Variants in CNEP1R1 observed in about 807,000 individuals in gnomAD.
CNEP1R1 encodes nuclear envelope phosphatase-regulatory subunit 1.
In CNEP1R1, 10 loss-of-function variants were observed where a neutral mutation model predicts 22.7. The observed-to-expected ratio is 0.44, with a 90% CI of 0.27 to 0.75. CNEP1R1 has a LOEUF of 0.75. Among genes scored for constraint, CNEP1R1 ranks in the 30% least tolerant of loss-of-function variants. The pLI, the probability that CNEP1R1 is intolerant of heterozygous loss-of-function variation, is 0.17. For missense variants in CNEP1R1, 73 were observed against 151.5 expected (o/e 0.48, Z 2.72); for synonymous variants, 53 against 50.1 (o/e 1.06, Z -0.25).
At chr16:50,026,772 C>A (rs938717257) in intron 2 of CNEP1R1, 2 of 284,128 alleles carry the variant, frequency 7.0e-6, no homozygotes, top group Admixed American at 4.5e-5. Context: ...GTCAGAAGTT[C>A]AAGACTAGCG....
chr16:50,027,839 C>G (rs914026895), intron 2 of CNEP1R1, among the ~76,000 whole-genome samples: 1 of 151,986 alleles, frequency 6.6e-6, no homozygotes, highest in Non-Finnish European at 1.5e-5. Context: ...ATGAGTGCTA[C>G]AAAATATAAT....
At chr16:50,031,449 T>C (rs1012597456) in intron 3 of CNEP1R1, among the ~76,000 whole-genome samples, 1 of 152,168 alleles carries the variant, frequency 6.6e-6, no homozygotes, top group Non-Finnish European at 1.5e-5. Context: ...TTGGTAGTCA[T>C]CTTTAGGGGA....
chr16:50,035,553 T>C lies in CNEP1R1; in HGVS notation c.*95T>C. 1.0e-5 allele frequency: 9 copies of C among 880,090 alleles called. No homozygotes were observed. Among genetic ancestry groups the C allele is most frequent in the Middle Eastern group, 2.5e-4 (1 of 4,030 alleles). 54.5% of individuals were successfully genotyped at this position (880,090 alleles called of 1,614,324 possible). A position where few individuals can be genotyped will look rare whatever the true frequency, so the allele number is the denominator to read the frequency against. Reference sequence around the variant, plus strand: ...AAAGGATTCCTTTTGCGGTTGGATATGTAAAGGTCATAGCAGCAACTGACA... The same window carrying C: ...AAAGGATTCCTTTTGCGGTTGGATACGTAAAGGTCATAGCAGCAACTGACA... On this transcript the variant is annotated 3_prime_UTR_variant, in exon 6 of 6. Coordinates refer to ENST00000427478, the MANE Select transcript of CNEP1R1 (RefSeq NM_001281789.2).
chr16:50,030,866 T>A (rs1316279802), intron 3 of CNEP1R1, among the ~76,000 whole-genome samples: 1 of 152,216 alleles, frequency 6.6e-6, no homozygotes, highest in Non-Finnish European at 1.5e-5. Flanking sequence ...CACTGAGGGA[T>A]CTCCCACTGG....
Position 50,034,082 on chromosome 16 carries a change from CT to C in CNEP1R1, c.282-17del. ...CATACTCTTGAAATGAGAAATTTTC[CT>C]TTGACCACATGTATTCAGTATAGCT... On this transcript the variant is annotated intron_variant, in intron 4 of 5. Transcript: ENST00000427478. 6.3e-7 allele frequency: 1 copy of C among 1,578,498 alleles called. No individual in the cohort carries two copies. The highest frequency in any genetic ancestry group is 8.6e-7 in the Non-Finnish European group (1 of 1,159,166).
intron 5 of CNEP1R1, 138 bp from the exon 6 acceptor site, chr16:50,035,279 C>CATAGGGGAAAAAAAA: frequency 1.8e-6 from 1 of 549,674 alleles, no homozygotes; most frequent in Non-Finnish European, 3.2e-6. Context: ...GCTCTGAAAG[C>CATAGGGGAAAAAAAA]ATAACTATTA....
At chr16:50,035,014 A>G (rs975662201) in intron 5 of CNEP1R1, among the ~76,000 whole-genome samples, 4 of 152,150 alleles carry the variant, frequency 2.6e-5, no homozygotes, top group African/African-American at 9.7e-5. Context: ...TTAGCCTTCA[A>G]TTTAAAAAGT....
intron 1 of CNEP1R1, chr16:50,025,888 T>G: frequency 1.7e-6 from 1 of 597,764 alleles, no homozygotes; most frequent in Non-Finnish European, 3.0e-6. Context: ...CCACTCGCTA[T>G]CAGTGTCAAG....
At chr16:50,030,189 C>T (rs1175706410) in intron 3 of CNEP1R1, among the ~76,000 whole-genome samples, 1 of 152,112 alleles carries the variant, frequency 6.6e-6, no homozygotes, top group African/African-American at 2.4e-5. Flanking sequence ...GGCATGGTGG[C>T]TCATACCTGG....
chr16:50,033,863 CAA>C (rs748163459), intron 4 of CNEP1R1, among the ~76,000 whole-genome samples: 8 of 101,238 alleles, frequency 7.9e-5, no homozygotes, highest in Admixed American at 1.0e-4. Context: ...GACTGCGTCT[CAA>C]AAAAAAAAAA....
chr16:50,027,345 T>C (rs892714441), intron 2 of CNEP1R1, among the ~76,000 whole-genome samples: 2 of 151,606 alleles, frequency 1.3e-5, no homozygotes, highest in African/African-American at 2.4e-5. Flanking sequence ...CCGTCTCTAC[T>C]AAAAATAAAA....
In CNEP1R1 at chr16:50,035,605, A is replaced by G. The variant is rs2036269300; in HGVS notation, c.*147A>G. ...GAAGTGTGCAATATTTACCTGGATTATCTTGATGATGGTGACTCATTATCA... is the reference window on the plus strand; with the variant it reads ...GAAGTGTGCAATATTTACCTGGATTGTCTTGATGATGGTGACTCATTATCA... On this transcript the variant is annotated 3_prime_UTR_variant, in exon 6 of 6. Coordinates refer to ENST00000427478, the MANE Select transcript of CNEP1R1 (RefSeq NM_001281789.2). 1 of 601,898 alleles carries G rather than the reference A, an allele frequency of 1.7e-6. No homozygotes were observed. The highest frequency in any genetic ancestry group is 2.9e-6 in the Non-Finnish European group (1 of 341,602). The allele number at this position is 601,898 out of a possible 1,614,324, so 37.3% of individuals were successfully genotyped here.
rs776453456 is a variant in CNEP1R1 at position 50,035,397 on chromosome 16, CTG to C, written c.337-18_337-17del. 3.4e-6 allele frequency: 5 copies of C among 1,464,464 alleles called. No homozygotes were observed. The highest frequency in any genetic ancestry group is 1.7e-4 in the Middle Eastern group (1 of 5,850). The allele number at this position is 1,464,464 out of a possible 1,614,324, so 90.7% of individuals were successfully genotyped here. A position where few individuals can be genotyped will look rare whatever the true frequency, so the allele number is the denominator to read the frequency against. ...ACTAGAACTGTGTATTGAAAAAATT[CTG>C]TCTTTTCATTTTTGCAGACAGGAAA... is the stretch of plus-strand genomic sequence containing the variant. On this transcript the variant is annotated intron_variant, in intron 5 of 5. Coordinates refer to ENST00000427478, the MANE Select transcript of CNEP1R1 (RefSeq NM_001281789.2).
At chr16:50,025,694 C>T in intron 1 of CNEP1R1, 3 of 1,613,792 alleles carry the variant, frequency 1.9e-6, no homozygotes, top group Non-Finnish European at 2.5e-6. Flanking sequence ...TTTCCGGTAA[C>T]TGCCAAGGTT....
intron 4 of CNEP1R1, among the ~76,000 whole-genome samples, 174 bp downstream of exon 4, chr16:50,033,680 A>G (rs769667652): frequency 4.6e-5 from 7 of 151,676 alleles, no homozygotes; most frequent in Non-Finnish European, 1.0e-4. Flanking sequence ...CCTGGGCAAC[A>G]TGGTGAAACC....
chr16:50,034,545 AAT>A (rs3055388), intron 5 of CNEP1R1: 198,121 of 198,170 alleles, frequency 1, 99,036 homozygotes, highest in Middle Eastern at 1. Context: ...GTTATTTGTA[AAT>A]ATAGAGTCAT....
At chr16:50,030,329 G>A (rs2036220822) in intron 3 of CNEP1R1, among the ~76,000 whole-genome samples, 1 of 152,104 alleles carries the variant, frequency 6.6e-6, no homozygotes, top group African/African-American at 2.4e-5. Flanking sequence ...AGCTACTTGG[G>A]AGGCTGAGGT....
chr16:50,025,887 A>G (rs1230069320), intron 1 of CNEP1R1: 16 of 597,448 alleles, frequency 2.7e-5, no homozygotes, highest in Admixed American at 9.0e-5. Flanking sequence ...CCCACTCGCT[A>G]TCAGTGTCAA....
At chr16:50,032,134 T>C (rs1285374357) in intron 3 of CNEP1R1, among the ~76,000 whole-genome samples, 1 of 152,242 alleles carries the variant, frequency 6.6e-6, no homozygotes, top group East Asian at 1.9e-4. Context: ...GGTGCTTCTG[T>C]CTTGAAACAC....
Sources: gnomAD v4.1 joint callset for allele counts (sites outside exome capture counted in the v4.1 genomes callset) on GRCh38, gnomAD v4.1.1 for gene constraint, MANE v1.5 for transcripts, NCBI Gene and HGNC (gene_info 2026-07-23, HGNC 2026-07-21) for gene names.